The following COL4A4 variants were observed in gnomAD, a reference collection of about 807,000 sequenced individuals.
COL4A4 encodes collagen alpha-4(IV) chain.
COL4A4 carries 105 observed loss-of-function variants against 192.9 expected under a neutral mutation model. That is an observed-to-expected ratio of 0.54 (90% CI 0.46 to 0.64). COL4A4 has a LOEUF of 0.64. Among genes scored for constraint, COL4A4 ranks in the 30% least tolerant of loss-of-function variants. The probability of loss-of-function intolerance (pLI) is 0.00; values close to 1 mark genes in which losing one functional copy is unlikely to be tolerated. For synonymous variants in COL4A4, 762 were observed against 769.9 expected (o/e 0.99, Z 0.17); for missense variants, 1,967 against 2,169.3 (o/e 0.91, Z 1.85).
At chr2:226,984,325 C>T in the COL4A4 span, among the ~76,000 whole-genome samples, 10 of 152,340 alleles carry the variant, frequency 6.6e-5, no homozygotes, top group South Asian at 2.1e-3. Context: ...GTTCCAGGTA[C>T]TAATATGATC....
intron 1 of COL4A4, among the ~76,000 whole-genome samples, chr2:227,150,745 A>T (rs374968206): frequency 6.6e-6 from 1 of 152,036 alleles, no homozygotes; most frequent in Non-Finnish European, 1.5e-5. Flanking sequence ...ATAACCATCA[A>T]ATCTCCTGAG....
chr2:227,022,694 C>T (rs1966258582), intron 43 of COL4A4, among the ~76,000 whole-genome samples: 1 of 152,130 alleles, frequency 6.6e-6, no homozygotes, highest in Non-Finnish European at 1.5e-5. Flanking sequence ...GACTTTCAAC[C>T]TTGAGTGAAC....
intron 4 of COL4A4, among the ~76,000 whole-genome samples, chr2:227,136,447 C>T (rs984399995): frequency 7.9e-5 from 12 of 152,114 alleles, no homozygotes; most frequent in African/African-American, 2.7e-4. Context: ...ATGAGTGGCC[C>T]AACTGCTGCA....
At chr2:227,030,842 T>C (rs576163253) in intron 40 of COL4A4, among the ~76,000 whole-genome samples, 117 of 152,350 alleles carry the variant, frequency 7.7e-4, no homozygotes, top group Non-Finnish European at 1.4e-3. Flanking sequence ...AAAACCTTCC[T>C]TCCCTTCAAA....
At chr2:227,101,010 G>T (rs1217674739) in intron 17 of COL4A4, among the ~76,000 whole-genome samples, 1 of 151,954 alleles carries the variant, frequency 6.6e-6, no homozygotes, top group East Asian at 1.9e-4. Flanking sequence ...GGGTTTCACT[G>T]TGTTAGCCAG....
rs939916873 is a variant in COL4A4, at chr2:227,082,167, T to C, written c.1644A>G (p.Gly548=). Residue 548 remains glycine, a synonymous_variant, in exon 23 of 48, where the codon GGA becomes GGG. Coordinates refer to ENST00000396625, the MANE Select transcript of COL4A4 (RefSeq NM_000092.5). ...CCTTCGCCCCTTTGTTGCCAGGTGG[T>C]CCAGAGGCACCATGCTTTCCCTTGG... ...PGLPGKHGAS[G]PPGNKGAKGD... is the part of the protein sequence containing the mutation. 6.2e-7 allele frequency: 1 copy of C among 1,614,174 alleles called. No individual in the cohort carries two copies. The highest frequency in any genetic ancestry group is 8.5e-7 in the Non-Finnish European group (1 of 1,179,994).
rs2061910084 is a variant in COL4A4 at position 227,123,354 on chromosome 2, A to C, written c.193-2206T>G. Among the ~76,000 whole-genome samples, 1 of 152,228 alleles carries C rather than the reference A, an allele frequency of 6.6e-6. No individual in the cohort carries two copies. Among genetic ancestry groups the C allele is most frequent in the African/African-American group, 2.4e-5 (1 of 41,464 alleles). ...CAGTGAATAAATTAGGGTGCCTTCA[A>C]ACAGGAAAGCCCTCACAGCCTGACT... On this transcript the variant is annotated intron_variant, in intron 4 of 47. Coordinates refer to ENST00000396625, the MANE Select transcript of COL4A4 (RefSeq NM_000092.5). The surrounding 1 kb of genome is among the most constrained non-coding windows in gnomAD (Gnocchi z 4.6).
chr2:227,121,561 CAA>C (rs766680844), intron 4 of COL4A4, among the ~76,000 whole-genome samples: 7 of 59,002 alleles, frequency 1.2e-4, no homozygotes, highest in Admixed American at 1.9e-4. Flanking sequence ...GACCCTATCT[CAA>C]AAAAAAAAAA....
intron 18 of COL4A4, 136 bp downstream of exon 18, chr2:227,099,484 T>C (rs1331790974): frequency 3.9e-6 from 3 of 760,860 alleles, no homozygotes; most frequent in African/African-American, 1.7e-5. Context: ...TGTATAATTA[T>C]ACACTCATGC....
At chr2:227,087,107 G>T (rs1428544387) in intron 22 of COL4A4, among the ~76,000 whole-genome samples, 1 of 152,202 alleles carries the variant, frequency 6.6e-6, no homozygotes, top group Admixed American at 6.5e-5. Context: ...GCTCTCTCCA[G>T]TCTCCAGGGG....
the COL4A4 span, chr2:226,995,460 G>T: frequency 6.2e-7 from 1 of 1,612,962 alleles, no homozygotes; most frequent in Non-Finnish European, 8.5e-7. Context: ...ACCACCCTAC[G>T]GGTTTCATCT....
intron 22 of COL4A4, among the ~76,000 whole-genome samples, chr2:227,087,210 G>GAACC (rs2059650381): frequency 6.6e-6 from 1 of 152,166 alleles, no homozygotes; most frequent in Non-Finnish European, 1.5e-5. Context: ...CACCAAATGA[G>GAACC]AACCACCTTG....
At chr2:226,988,465 C>T in the COL4A4 span, 7 of 1,547,876 alleles carry the variant, frequency 4.5e-6, no homozygotes, top group Non-Finnish European at 6.1e-6. Context: ...TTTGAGGCTG[C>T]AGGGTCCCTG....
chr2:226,980,437 G>C, the COL4A4 span, among the ~76,000 whole-genome samples: 1 of 152,124 alleles, frequency 6.6e-6, no homozygotes, highest in Non-Finnish European at 1.5e-5. Flanking sequence ...TTGGGGTGTG[G>C]TTCTGTGCCT....
chr2:227,032,078 G>A, intron 39 of COL4A4, 23 bp from the exon 40 acceptor site: 1 of 1,613,816 alleles, frequency 6.2e-7, no homozygotes, highest in East Asian at 2.2e-5. Context: ...ATGTTCACAT[G>A]TTATCCTCAT....
chr2:227,027,877 T>C (rs914778357), intron 42 of COL4A4, 25 bp downstream of exon 42: 1 of 1,464,716 alleles, frequency 6.8e-7, no homozygotes, highest in South Asian at 1.1e-5. Flanking sequence ...TTAAACAAAA[T>C]GCTGTATGTA....
chr2:227,009,461 T>C (rs1963031429), intron 46 of COL4A4, among the ~76,000 whole-genome samples: 1 of 152,130 alleles, frequency 6.6e-6, no homozygotes, highest in Non-Finnish European at 1.5e-5. Flanking sequence ...CCCAGCACTA[T>C]GGGAGGCCAA....
intron 22 of COL4A4, among the ~76,000 whole-genome samples, chr2:227,088,072 T>G (rs1389405218): frequency 3.3e-5 from 5 of 152,198 alleles, no homozygotes; most frequent in African/African-American, 7.2e-5. Context: ...GCCTAGAACA[T>G]AGCAGGCACT....
chr2:227,017,661 T>A (rs116280630), intron 44 of COL4A4, among the ~76,000 whole-genome samples: 1,934 of 152,318 alleles, frequency 0.013, 22 homozygotes, highest in African/African-American at 0.045. Flanking sequence ...GGTGGACTAA[T>A]CGACCCACTT....
Sources: gnomAD v4.1 joint callset for allele counts (sites outside exome capture counted in the v4.1 genomes callset) on GRCh38, gnomAD v4.1.1 for gene constraint, Gnocchi (gnomAD v3.1) non-coding constraint, MANE v1.5 for transcripts, NCBI Gene and HGNC (gene_info 2026-07-23, HGNC 2026-07-21) for gene names.